TNIK: variants seen among roughly 807,000 people sequenced by gnomAD.
The protein encoded by TNIK is TRAF2 and NCK-interacting protein kinase.
TNIK carries 49 observed loss-of-function variants against 191.3 expected under a neutral mutation model. The observed-to-expected ratio is 0.26, with a 90% CI of 0.20 to 0.32. The LOEUF (loss-of-function observed/expected upper bound fraction) is 0.32. TNIK is among the 10% of genes least tolerant of loss of function. TNIK has a pLI of 1.00. For synonymous variants in TNIK, 594 were observed against 600.9 expected (o/e 0.99, Z 0.17); for missense variants, 1,155 against 1,702.3 (o/e 0.68, Z 5.66).
At chr3:171,091,980 C>G (rs1184762241) in intron 23 of TNIK, among the ~76,000 whole-genome samples, 1 of 149,638 alleles carries the variant, frequency 6.7e-6, no homozygotes, top group African/African-American at 2.5e-5. Flanking sequence ...GACAGAGTCT[C>G]GTTCTGTCGC....
chr3:171,214,034 C>G (rs1741171422), intron 3 of TNIK, among the ~76,000 whole-genome samples: 1 of 152,138 alleles, frequency 6.6e-6, no homozygotes, highest in African/African-American at 2.4e-5. Context: ...TGCACTGTTT[C>G]CAAACACAGT....
At chr3:171,329,012 C>T (rs1756115862) in intron 2 of TNIK, among the ~76,000 whole-genome samples, 1 of 152,186 alleles carries the variant, frequency 6.6e-6, no homozygotes, top group East Asian at 1.9e-4. Flanking sequence ...CCTGCTCCTG[C>T]ACTTTCCTTA....
At chr3:171,378,595 T>C (rs1717589492) in intron 1 of TNIK, among the ~76,000 whole-genome samples, 1 of 152,168 alleles carries the variant, frequency 6.6e-6, no homozygotes, top group Non-Finnish European at 1.5e-5. Flanking sequence ...CTCCAATACC[T>C]CGATCATGAC....
Position 171,346,011 on chromosome 3 carries a change from C to T in TNIK, c.123+23609G>A, listed in dbSNP as rs140408075. 6.6e-5 allele frequency among the ~76,000 whole-genome samples: 10 copies of T among 151,986 alleles called. No individual in the cohort carries two copies. The East Asian group carries it at 1.9e-3, about 29-fold the overall frequency. On this transcript the variant is annotated intron_variant, in intron 2 of 32. Transcript: ENST00000436636. ...AAAAAATTAAACATGGTAAGGGGAA[C>T]AGGGAATGGAGAGGGTGGGGTGTTA...
intron 1 of TNIK, among the ~76,000 whole-genome samples, chr3:171,393,501 C>T (rs534696253): frequency 6.6e-6 from 1 of 152,340 alleles, no homozygotes; most frequent in South Asian, 2.1e-4. Flanking sequence ...GGTTTTTAAA[C>T]TCCTCCTCTT....
chr3:171,328,798 T>C (rs1756097354), intron 2 of TNIK, among the ~76,000 whole-genome samples: 1 of 152,178 alleles, frequency 6.6e-6, no homozygotes, highest in Non-Finnish European at 1.5e-5. Flanking sequence ...CCTTTCCTCA[T>C]GCCCTCTAAG....
At chr3:171,295,450 A>C (rs34434253) in intron 2 of TNIK, among the ~76,000 whole-genome samples, 3,824 of 152,258 alleles carry the variant, frequency 0.025, 59 homozygotes, top group Middle Eastern at 0.037. Flanking sequence ...GTAGACCTCC[A>C]CCACGGGAAT....
In TNIK at chr3:171,126,586, C is replaced by T. The variant is rs947345286; in HGVS notation, c.1774-435G>A. ...CTTACTTGTTATGAACTCACTGAGT[C>T]CATCCTGAGGTGGATACAGTCATTT... On this transcript the variant is annotated intron_variant, in intron 16 of 32. Coordinates refer to ENST00000436636, the MANE Select transcript of TNIK (RefSeq NM_015028.4). Among the ~76,000 whole-genome samples the T allele has an allele frequency of 3.3e-5, 5 of 152,290 alleles. No individual in the cohort carries two copies. In the South Asian group the frequency reaches 1.0e-3, roughly 32 times the overall value.
intron 2 of TNIK, among the ~76,000 whole-genome samples, chr3:171,294,366 G>A (rs1312127553): frequency 1.3e-5 from 2 of 152,200 alleles, no homozygotes; most frequent in African/African-American, 4.8e-5. Context: ...CAAGGCTGCA[G>A]TGAGCTATGA....
chr3:171,401,690 G>C (rs185821707), intron 1 of TNIK, among the ~76,000 whole-genome samples: 4 of 152,170 alleles, frequency 2.6e-5, no homozygotes, highest in Admixed American at 2.0e-4. Context: ...TTCCCAGGAG[G>C]GTTCAGAAAT....
intron 21 of TNIK, among the ~76,000 whole-genome samples, chr3:171,105,519 TACTC>T (rs940857295): frequency 6.6e-6 from 1 of 152,046 alleles, no homozygotes; most frequent in African/African-American, 2.4e-5. Context: ...GGATCAGTGA[TACTC>T]AAGAGATCAG....
In TNIK at chr3:171,362,126, G is replaced by T. The variant is rs188563472; in HGVS notation, c.123+7494C>A. On this transcript the variant is annotated intron_variant, in intron 2 of 32. Transcript: ENST00000436636. Reference sequence around the variant, plus strand: ...AACTTGTGAAATATAAAATTATTCAGAAACCATTTTCACCCCACCAAAGTT... The same window carrying T: ...AACTTGTGAAATATAAAATTATTCATAAACCATTTTCACCCCACCAAAGTT... Among the ~76,000 whole-genome samples the T allele has an allele frequency of 7.2e-5, 11 of 152,238 alleles. No individual in the cohort carries two copies. The East Asian group carries it at 2.1e-3, about 29-fold the overall frequency.
chr3:171,173,405 A>T (rs1391732106), intron 9 of TNIK, among the ~76,000 whole-genome samples: 1 of 151,524 alleles, frequency 6.6e-6, no homozygotes, highest in Non-Finnish European at 1.5e-5. Flanking sequence ...CAAAAAAAAA[A>T]AAAAAGAAAA....
intron 1 of TNIK, among the ~76,000 whole-genome samples, chr3:171,440,605 A>C (rs1053949847): frequency 7.0e-4 from 107 of 152,338 alleles, no homozygotes; most frequent in African/African-American, 2.5e-3. Context: ...TAAGTTAAGG[A>C]GTTTAGCCTA....
intron 1 of TNIK, among the ~76,000 whole-genome samples, chr3:171,427,449 T>C (rs918902709): frequency 1.3e-5 from 2 of 152,188 alleles, no homozygotes; most frequent in East Asian, 3.8e-4. Flanking sequence ...TACTAGCTTA[T>C]ACGCTTATTA....
rs576758257 is a variant in TNIK at position 171,079,524 on chromosome 3, T to G, written c.3442A>C (p.Lys1148Gln). 3.8e-5 allele frequency: 62 copies of G among 1,612,272 alleles called. No homozygotes were observed. Among genetic ancestry groups the G allele is most frequent in the Non-Finnish European group, 4.9e-5 (58 of 1,179,400 alleles). ...TCCATGTCTTGAGACTTACCAACTT[T>G]ATAATGTATACAGCCTTCCAAGTCC... ...VGDLEGCIHY[K>Q]VVKYERIKFL... is the part of the protein sequence containing the mutation. The change falls in exon 28 of 33, where the codon AAA becomes CAA. Residue 1148 changes from lysine to glutamine, a missense_variant. By Grantham distance (53) the Lys-to-Gln change is moderately conservative (BLOSUM62 1). Around this residue, in one of 3 missense-constraint regions of TNIK, gnomAD observed 195 missense variants for 415.4 expected, o/e 0.47. Coordinates refer to ENST00000436636, the MANE Select transcript of TNIK (RefSeq NM_015028.4).
chr3:171,195,657 T>C (rs1357655349), intron 4 of TNIK, among the ~76,000 whole-genome samples: 4 of 152,178 alleles, frequency 2.6e-5, no homozygotes, highest in African/African-American at 9.7e-5. Context: ...GTATACCTAA[T>C]AGAAACTAAA....
At position 171,369,629 on chromosome 3, in the gene TNIK, T is replaced by C. The variant is rs749679669; in HGVS notation, c.114A>G (p.Gln38=). 1.4e-5 allele frequency: 22 copies of C among 1,576,702 alleles called. No individual in the cohort carries two copies. The Admixed American group carries it at 2.0e-4, about 14-fold the overall frequency. The change falls in exon 2 of 33, where the codon CAA becomes CAG. Residue 38 remains glutamine (Q), a synonymous_variant. Transcript: ENST00000436636. The part of the protein sequence containing the change: ...VELVGNGTYG[Q]VYKGRHVKTG... ...GACTCAATGTACTTACCTTATAAAC[T>C]TGCCCGTATGTTCCATTTCCAACAA...
chr3:171,256,454 C>T (rs1226687473), intron 2 of TNIK, among the ~76,000 whole-genome samples: 10 of 152,142 alleles, frequency 6.6e-5, no homozygotes, highest in Admixed American at 4.6e-4. Context: ...CTTAACCAAA[C>T]GAGATGCCTG....
Sources: allele counts gnomAD v4.1 joint callset (sites outside exome capture counted in the v4.1 genomes callset), GRCh38; gene constraint gnomAD v4.1.1; regional missense constraint gnomAD v4.1.1; transcripts MANE v1.5; gene names NCBI Gene and HGNC (gene_info 2026-07-23, HGNC 2026-07-21).